Variants in RPL28 observed in about 807,000 individuals in gnomAD.
RPL28 encodes the protein large ribosomal subunit protein eL28.
In RPL28, 4 loss-of-function variants were observed where a neutral mutation model predicts 12.5. The observed-to-expected ratio is 0.32, with a 90% confidence interval of 0.16 to 0.73. RPL28 has a LOEUF of 0.73. Ranked by LOEUF, RPL28 falls within the 30% of genes least tolerant of loss-of-function variation. The pLI, the probability that RPL28 is intolerant of heterozygous loss-of-function variation, is 0.66. For missense variants in RPL28, 214 were observed against 197.7 expected (o/e 1.08, Z -0.49); for synonymous variants, 91 against 72.5 (o/e 1.26, Z -1.30).
At position 55,390,662 on chromosome 19, in the gene RPL28, C is replaced by G; in HGVS notation, c.*2330C>G. On this transcript the variant is annotated 3_prime_UTR_variant, in exon 5 of 5. Coordinates refer to ENST00000344063, the MANE Select transcript of RPL28 (RefSeq NM_000991.5). The stretch of plus-strand genomic sequence containing the variant: ...GCCTCCCCTGGTCTCATCCGTAACA[C>G]AGCCCAGCTTAGTGGGCCTCTGTTC... The G allele has an allele frequency of 1.0e-6, 1 of 985,504 alleles. No homozygotes were observed. The highest frequency in any genetic ancestry group is 1.2e-6 in the Non-Finnish European group (1 of 829,972). 61.0% of individuals were successfully genotyped at this position (985,504 alleles called of 1,614,324 possible). A position where few individuals can be genotyped will look rare whatever the true frequency, so the allele number is the denominator to read the frequency against.
At chr19:55,386,984 T>A (rs767608704) in intron 3 of RPL28, 16 of 1,442,788 alleles carry the variant, frequency 1.1e-5, no homozygotes, top group Admixed American at 2.8e-5. Flanking sequence ...GATGAAATTC[T>A]CAAAGCAAGT....
Position 55,390,181 on chromosome 19 carries a change from G to GC in RPL28, c.*1852dup. On this transcript the variant is annotated 3_prime_UTR_variant, in exon 5 of 5. Transcript: ENST00000344063. ...GAATGGTGCATATTGAATGTATAAA[G>GC]CCCACCGGTCCTGAGAGTTTGCTCA... 2.0e-6 allele frequency: 2 copies of GC among 985,170 alleles called. No homozygotes were observed. Among genetic ancestry groups the GC allele is most frequent in the Non-Finnish European group, 2.4e-6 (2 of 829,964 alleles). 61.0% of individuals were successfully genotyped at this position (985,170 alleles called of 1,614,324 possible).
Position 55,392,051 on chromosome 19 carries a change from A to T in RPL28, c.*3719A>T. Reference sequence around the variant, plus strand: ...GTATCAATTCCCCTGTTTCTCTTGTAGCCAGTTACTAGAATAAAATCATCT... The same window carrying T: ...GTATCAATTCCCCTGTTTCTCTTGTTGCCAGTTACTAGAATAAAATCATCT... On this transcript the variant is annotated 3_prime_UTR_variant, in exon 5 of 5. Coordinates refer to ENST00000344063, the MANE Select transcript of RPL28 (RefSeq NM_000991.5). 2 of 1,040,378 alleles carry T rather than the reference A, an allele frequency of 1.9e-6. No individual in the cohort carries two copies. The highest frequency in any genetic ancestry group is 2.3e-6 in the Non-Finnish European group (2 of 865,866). The allele number at this position is 1,040,378 out of a possible 1,614,324, so 64.4% of individuals were successfully genotyped here. A position where few individuals can be genotyped will look rare whatever the true frequency, so the allele number is the denominator to read the frequency against.
chr19:55,395,667 T>C (rs2090017729), downstream of RPL28, among the ~76,000 whole-genome samples: 3 of 147,192 alleles, frequency 2.0e-5, no homozygotes, highest in Admixed American at 2.1e-4. Flanking sequence ...ATGGTCTCAA[T>C]CTCCTGACCT....
At chr19:55,387,513 A>T in intron 3 of RPL28, 1 of 1,444,378 alleles carries the variant, frequency 6.9e-7, no homozygotes, top group Non-Finnish European at 9.0e-7. Context: ...AGACTAAGGG[A>T]CTGGCCTGAG....
At position 55,387,074 on chromosome 19, in the gene RPL28, A is replaced by AGG; in HGVS notation, c.205+382_205+383dup. The AGG allele has an allele frequency of 1.6e-5, 23 of 1,418,604 alleles. No individual in the cohort carries two copies. The South Asian group carries it at 3.4e-4, about 21-fold the overall frequency. 87.9% of individuals were successfully genotyped at this position (1,418,604 alleles called of 1,614,324 possible). A position where few individuals can be genotyped will look rare whatever the true frequency, so the allele number is the denominator to read the frequency against. ...GGGAGGGGCCCTCGCTACCACACTT[A>AGG]GGAGGGGACAGGCTGGGTTGGTTGC... On this transcript the variant is annotated intron_variant, in intron 3 of 4. Coordinates refer to ENST00000344063, the MANE Select transcript of RPL28 (RefSeq NM_000991.5).
Position 55,388,467 on chromosome 19 carries a change from C to T in RPL28, c.*135C>T. On this transcript the variant is annotated 3_prime_UTR_variant, in exon 5 of 5. Coordinates refer to ENST00000344063, the MANE Select transcript of RPL28 (RefSeq NM_000991.5). ...GCCATGTCATCAAAACTCTGCATGT[C>T]ACCTTGTCCATCTGGAGGTGATGTC... 3.7e-6 allele frequency: 5 copies of T among 1,345,696 alleles called. No homozygotes were observed. The highest frequency in any genetic ancestry group is 4.8e-6 in the Non-Finnish European group (5 of 1,043,454). 83.4% of individuals were successfully genotyped at this position (1,345,696 alleles called of 1,614,324 possible).
At chr19:55,398,051 C>T (rs1421980688) in intron 4 of RPL28, among the ~76,000 whole-genome samples, 3 of 151,966 alleles carry the variant, frequency 2.0e-5, no homozygotes, top group Admixed American at 1.3e-4. Context: ...CAAAAATTAG[C>T]CCAGCTTGGT....
intron 3 of RPL28, chr19:55,387,326 C>A (rs879470358): frequency 6.4e-7 from 1 of 1,551,704 alleles, no homozygotes; most frequent in Non-Finnish European, 8.7e-7. Context: ...TGCCTCAGAG[C>A]CAAGGGTCCT....
At position 55,390,446 on chromosome 19, in the gene RPL28, C is replaced by T; in HGVS notation, c.*2114C>T. On this transcript the variant is annotated 3_prime_UTR_variant, in exon 5 of 5. Transcript: ENST00000344063. ...TTTGGAACTCCTGACTTCAAATTAC[C>T]CACCTGCCTCAGCCTCCCAAAGTGC... The T allele has an allele frequency of 1.0e-6, 1 of 983,418 alleles. No homozygotes were observed. Among genetic ancestry groups the T allele is most frequent in the Non-Finnish European group, 1.2e-6 (1 of 828,138 alleles). 60.9% of individuals were successfully genotyped at this position (983,418 alleles called of 1,614,324 possible).
chr19:55,389,589 G>A lies in RPL28; in HGVS notation c.*1257G>A, dbSNP rs942451961. The A allele has an allele frequency of 1.6e-5, 16 of 985,516 alleles. No homozygotes were observed. Among genetic ancestry groups the A allele is most frequent in the South Asian group, 4.7e-5 (1 of 21,280 alleles). 61.0% of individuals were successfully genotyped at this position (985,516 alleles called of 1,614,324 possible). On this transcript the variant is annotated 3_prime_UTR_variant, in exon 5 of 5. Coordinates refer to ENST00000344063, the MANE Select transcript of RPL28 (RefSeq NM_000991.5). ...CCTCGACTTGCCATTGGTTGGGGTC[G>A]TACGGGGCTGGGAGCCCTGCGTTTT...
downstream of RPL28, among the ~76,000 whole-genome samples, chr19:55,394,082 GA>G (rs2090008499): frequency 6.6e-6 from 1 of 152,020 alleles, no homozygotes; most frequent in African/African-American, 2.4e-5. Context: ...CTAACACAGT[GA>G]AACCCTATCT....
Position 55,389,050 on chromosome 19 carries a change from C to T in RPL28, c.*718C>T. The T allele has an allele frequency of 2.0e-6, 2 of 985,472 alleles. No individual in the cohort carries two copies. Among genetic ancestry groups the T allele is most frequent in the Non-Finnish European group, 2.4e-6 (2 of 829,944 alleles). The allele number at this position is 985,472 out of a possible 1,614,324, so 61.0% of individuals were successfully genotyped here. On this transcript the variant is annotated 3_prime_UTR_variant, in exon 5 of 5. Coordinates refer to ENST00000344063, the MANE Select transcript of RPL28 (RefSeq NM_000991.5). ...TTAGGTCTCATCTCAGTGGCCGCTC[C>T]TGGGCCACCCTGTCACCCAAGCTTT...
intron 4 of RPL28, among the ~76,000 whole-genome samples, chr19:55,398,068 CG>C (rs1490924087): frequency 3.3e-5 from 5 of 152,068 alleles, no homozygotes; most frequent in African/African-American, 1.2e-4. Context: ...TGGTGGCACA[CG>C]CCTGTAATCC....
At chr19:55,388,080 A>C in intron 4 of RPL28, 32 bp downstream of exon 4, 2 of 1,610,526 alleles carry the variant, frequency 1.2e-6, no homozygotes, top group Non-Finnish European at 1.7e-6. Context: ...AGGCTTGGGG[A>C]GACTGGCCAG....
At chr19:55,386,465 C>G in intron 2 of RPL28, 27 bp downstream of exon 2, 3 of 1,612,456 alleles carry the variant, frequency 1.9e-6, no homozygotes, top group Non-Finnish European at 2.5e-6. Context: ...TGCGTGGCTC[C>G]TGCGGGAGGA....
In RPL28 at chr19:55,401,479, G is replaced by A. The variant is rs762799159; in HGVS notation, c.325-1464G>A. 3.7e-6 allele frequency: 6 copies of A among 1,607,944 alleles called. No homozygotes were observed. The African/African-American group carries it at 8.0e-5, about 22-fold the overall frequency. On this transcript the variant is annotated intron_variant, in intron 4 of 4. Transcript: ENST00000560055. ...CCGCTTCTTGTCCGTCTTTTTCTTG[G>A]CCGCCAGCTTCTTATCGCGCTCGCC... is the stretch of plus-strand genomic sequence containing the variant.
chr19:55,402,061 C>T (rs2090063780), intron 4 of RPL28, among the ~76,000 whole-genome samples: 1 of 152,186 alleles, frequency 6.6e-6, no homozygotes, highest in African/African-American at 2.4e-5. Flanking sequence ...CGCCAAGGCC[C>T]CCTCTCAGGA....
chr19:55,401,604 G>A lies in RPL28; in HGVS notation c.325-1339G>A, dbSNP rs760149764. On this transcript the variant is annotated intron_variant, in intron 4 of 4. Transcript: ENST00000560055. ...CAGTGCCACTGGCCAGGGCCCGACC[G>A]GCTTCGGCCCTGCCGCTGGGCCCGC... The A allele has an allele frequency of 3.5e-5, 56 of 1,606,978 alleles. 1 individual carries two copies. The South Asian group carries it at 4.6e-4, about 13-fold the overall frequency.
Sources: allele counts gnomAD v4.1 joint callset (sites outside exome capture counted in the v4.1 genomes callset), GRCh38; gene constraint gnomAD v4.1.1; transcripts MANE v1.5; gene names NCBI Gene and HGNC (gene_info 2026-07-23, HGNC 2026-07-21).